AGT: variants seen among roughly 807,000 people sequenced by gnomAD.
AGT encodes the protein alpha-1 antiproteinase, antitrypsin.
A neutral mutation model predicts 28.1 loss-of-function variants in AGT; 26 were observed. That is an observed-to-expected ratio of 0.92 (90% confidence interval 0.68 to 1.28). The LOEUF is 1.28. Ranked by LOEUF, AGT falls within the 50% of genes most tolerant of loss-of-function variation. AGT has a pLI of 0.00. For synonymous variants in AGT, 259 were observed against 259.6 expected (o/e 1.00, Z 0.02); for missense variants, 596 against 592.3 (o/e 1.01, Z -0.06).
chr1:230,728,177 GTCTGAAAAGGAA>G (rs1014422190), intron 1 of AGT, among the ~76,000 whole-genome samples: 3 of 152,136 alleles, frequency 2.0e-5, no homozygotes, highest in Admixed American at 6.5e-5. Context: ...AAATACAAAA[GTCTGAAAAGGAA>G]TCTGAAAAGG....
At chr1:230,738,263 G>A (rs935265331) in intron 1 of AGT, among the ~76,000 whole-genome samples, 1 of 152,148 alleles carries the variant, frequency 6.6e-6, no homozygotes, top group African/African-American at 2.4e-5. Flanking sequence ...GTTGTTTGAG[G>A]ACCTGTCACA....
At chr1:230,719,544 A>AC (rs972440400), upstream of AGT, among the ~76,000 whole-genome samples, 10 of 151,246 alleles carry the variant, frequency 6.6e-5, no homozygotes, top group Middle Eastern at 3.2e-3. Flanking sequence ...AGGAGCTGGG[A>AC]CTACAGGTGC....
chr1:230,706,048 T>A lies in AGT; in HGVS notation c.982A>T (p.Thr328Ser), dbSNP rs1663376053. The A allele has an allele frequency of 6.2e-7, 1 of 1,613,968 alleles. No homozygotes were observed. The highest frequency in any genetic ancestry group is 1.3e-5 in the African/African-American group (1 of 74,896). ...DNFSVTQVPF[T>S]ESACLLLIQP... ...ATCAGCAGCAGGCAGGCGCTCTCAGTGAAGGGCACTTGAGTCACCGAGAAG... is the reference window on the plus strand; with the variant it reads ...ATCAGCAGCAGGCAGGCGCTCTCAGAGAAGGGCACTTGAGTCACCGAGAAG... Residue 328 changes from threonine (T) to serine (S), a missense_variant, in exon 3 of 5, where the codon ACT becomes TCT. Thr to Ser is a moderately conservative substitution (Grantham distance 58). Transcript: ENST00000366667.
chr1:230,738,914 G>T (rs138986949), intron 1 of AGT, among the ~76,000 whole-genome samples: 1 of 152,022 alleles, frequency 6.6e-6, no homozygotes, highest in South Asian at 2.1e-4. Flanking sequence ...AATCTCTGTA[G>T]TCAAAGGACT....
rs578195474 is a variant in AGT, at chr1:230,723,065, T to C, written c.-30-12212A>G. On this transcript the variant is annotated intron_variant, in intron 1 of 4. Transcript: ENST00000681269. ...TCAAGAGAGGGAGGTGACTGGATCATGGGGACGATTTCCCCTATGCTATTC... is the reference window on the plus strand; with the variant it reads ...TCAAGAGAGGGAGGTGACTGGATCACGGGGACGATTTCCCCTATGCTATTC... Among the ~76,000 whole-genome samples the C allele has an allele frequency of 6.6e-5, 10 of 152,296 alleles. No individual in the cohort carries two copies. The South Asian group carries it at 2.1e-3, about 32-fold the overall frequency.
At position 230,710,645 on chromosome 1, in the gene AGT, G is replaced by A. The variant is rs570793167; in HGVS notation, c.179C>T (p.Pro60Leu). The A allele has an allele frequency of 1.2e-6, 2 of 1,614,238 alleles. No individual in the cohort carries two copies. Among genetic ancestry groups the A allele is most frequent in the Non-Finnish European group, 1.7e-6 (2 of 1,180,044 alleles). Reference protein sequence around the residue: ...AGKPKDPTFIPAPIQAKTSPV... With the variant: ...AGKPKDPTFILAPIQAKTSPV... Reference sequence around the variant, plus strand: ...GGATGTCTTGGCCTGAATTGGAGCAGGTATGAAGGTGGGGTCTTTGGGCTT... The same window carrying A: ...GGATGTCTTGGCCTGAATTGGAGCAAGTATGAAGGTGGGGTCTTTGGGCTT... Residue 60 changes from proline (P) to leucine (L), a missense_variant, in exon 2 of 5, where the codon CCT (proline) becomes CTT (leucine). By Grantham distance (98) the Pro-to-Leu change is moderately conservative. Coordinates refer to ENST00000366667, the MANE Select transcript of AGT (RefSeq NM_001384479.1).
At chr1:230,740,982 G>A (rs1318918249) in intron 1 of AGT, among the ~76,000 whole-genome samples, 2 of 152,048 alleles carry the variant, frequency 1.3e-5, no homozygotes, top group Admixed American at 6.6e-5. Context: ...ACTGCGGAGA[G>A]TAAATTCCTA....
upstream of AGT, among the ~76,000 whole-genome samples, chr1:230,716,039 G>A (rs2102795472): frequency 6.6e-6 from 1 of 152,264 alleles, no homozygotes; most frequent in South Asian, 2.1e-4. Context: ...ACGTTACTGG[G>A]GAGAACATAA....
rs74896502 is a variant in AGT at position 230,740,520 on chromosome 1, A to T, written c.-31+4995T>A. ...TTGAAGTAACTGCTAGTTTACAGAG[A>T]CAGAAGAAGAGAGATAGAGTAAGAG... On this transcript the variant is annotated intron_variant, in intron 1 of 4. Transcript: ENST00000681269. Among the ~76,000 whole-genome samples the T allele has an allele frequency of 4.2e-3, 642 of 152,350 alleles. 4 individuals carry two copies. Among genetic ancestry groups the T allele is most frequent in the African/African-American group, 0.014 (572 of 41,584 alleles).
chr1:230,742,570 C>T (rs149712606), intron 1 of AGT, among the ~76,000 whole-genome samples: 1 of 152,334 alleles, frequency 6.6e-6, no homozygotes, highest in African/African-American at 2.4e-5. Flanking sequence ...CTGCCTTAGC[C>T]TCCCAAAGTG....
chr1:230,718,590 A>C (rs1663784096), upstream of AGT, among the ~76,000 whole-genome samples: 1 of 127,870 alleles, frequency 7.8e-6, no homozygotes, highest in African/African-American at 3.5e-5. Context: ...CTGTATATTC[A>C]CTTTAAAAAA....
chr1:230,728,008 A>G (rs969891142), intron 1 of AGT, among the ~76,000 whole-genome samples: 1 of 152,108 alleles, frequency 6.6e-6, no homozygotes, highest in Non-Finnish European at 1.5e-5. Context: ...TTTTTAAAAG[A>G]TAGTTTGGTA....
intron 1 of AGT, among the ~76,000 whole-genome samples, chr1:230,737,096 C>T (rs1664169304): frequency 6.6e-6 from 1 of 152,122 alleles, no homozygotes; most frequent in South Asian, 2.1e-4. Context: ...TCCTGCTCCC[C>T]AATCTCCCCT....
intron 1 of AGT, among the ~76,000 whole-genome samples, chr1:230,729,789 G>A (rs1439419947): frequency 1.3e-5 from 2 of 152,134 alleles, no homozygotes; most frequent in South Asian, 2.1e-4. Context: ...TACTACTTAT[G>A]TCACCCAGTG....
intron 1 of AGT, among the ~76,000 whole-genome samples, chr1:230,720,739 C>T (rs955594687): frequency 6.6e-6 from 1 of 152,162 alleles, no homozygotes; most frequent in Non-Finnish European, 1.5e-5. Context: ...ACCTTTTTTG[C>T]ATACTCATAA....
intron 2 of AGT, among the ~76,000 whole-genome samples, chr1:230,707,101 G>A (rs1364666492): frequency 2.6e-5 from 4 of 152,242 alleles, no homozygotes. Flanking sequence ...GGGGGCAGGG[G>A]TGAGCCCTCT....
At chr1:230,711,718 T>C (rs1663596829) in intron 1 of AGT, among the ~76,000 whole-genome samples, 1 of 151,680 alleles carries the variant, frequency 6.6e-6, no homozygotes, top group Non-Finnish European at 1.5e-5. Flanking sequence ...CAACCATCCC[T>C]GCATAGCGCT....
At chr1:230,737,805 G>A (rs1664182056) in intron 1 of AGT, among the ~76,000 whole-genome samples, 1 of 152,054 alleles carries the variant, frequency 6.6e-6, no homozygotes. Flanking sequence ...CATATTTAGA[G>A]TTGTGCAACC....
At chr1:230,711,098 G>A (rs1029771028) in intron 1 of AGT, among the ~76,000 whole-genome samples, 6 of 152,186 alleles carry the variant, frequency 3.9e-5, no homozygotes, top group Admixed American at 1.3e-4. Context: ...CATAATGCCC[G>A]TGTTGAAGTC....
Sources: allele counts gnomAD v4.1 joint callset (sites outside exome capture counted in the v4.1 genomes callset), GRCh38; gene constraint gnomAD v4.1.1; transcripts MANE v1.5; gene names NCBI Gene and HGNC (gene_info 2026-07-23, HGNC 2026-07-21).